Variants in MYOCD observed in about 807,000 individuals in gnomAD.
MYOCD encodes the protein myocardin.
Under a neutral mutation model 96.1 loss-of-function variants are expected in MYOCD, and 32 were observed. That is an observed-to-expected ratio of 0.33 (90% confidence interval 0.25 to 0.45). The LOEUF (loss-of-function observed/expected upper bound fraction) is 0.45, where lower values mean the gene tolerates loss of function less well. Among genes scored for constraint, MYOCD ranks in the 20% least tolerant of loss-of-function variants. MYOCD has a pLI of 1.00. For missense variants in MYOCD, 1,133 were observed against 1,200.6 expected, an observed-to-expected ratio of 0.94 and a Z score of 0.83; for synonymous variants, 469 against 469.0, an observed-to-expected ratio of 1.00 and a Z score of 0.00.
At chr17:12,722,682 C>T (rs1408982118) in intron 4 of MYOCD, among the ~76,000 whole-genome samples, 165 bp from the exon 5 acceptor site, 3 of 152,184 alleles carry the variant, frequency 2.0e-5, no homozygotes, top group Non-Finnish European at 4.4e-5. Flanking sequence ...AGTGTCTAGG[C>T]TTTGGTGCTA....
chr17:12,731,784 A>G (rs1259176467), intron 5 of MYOCD, among the ~76,000 whole-genome samples: 2 of 152,210 alleles, frequency 1.3e-5, no homozygotes, highest in African/African-American at 2.4e-5. Flanking sequence ...GGCCACACCG[A>G]ACACCACAGG....
intron 1 of MYOCD, among the ~76,000 whole-genome samples, chr17:12,701,315 G>A (rs1220917619): frequency 6.6e-6 from 1 of 152,170 alleles, no homozygotes; most frequent in Non-Finnish European, 1.5e-5. Flanking sequence ...AGGAGGAAGA[G>A]GCAGGGGAAT....
chr17:12,700,348 A>G (rs1276736365), intron 1 of MYOCD, among the ~76,000 whole-genome samples: 1 of 149,262 alleles, frequency 6.7e-6, no homozygotes. Flanking sequence ...ATGGCTTAAT[A>G]TCTAGAGAAC....
chr17:12,697,876 A>G (rs1315335388), intron 1 of MYOCD, among the ~76,000 whole-genome samples: 1 of 152,178 alleles, frequency 6.6e-6, no homozygotes, highest in African/African-American at 2.4e-5. Flanking sequence ...AGCAAAGGAA[A>G]TTTTTTAATA....
intron 2 of MYOCD, among the ~76,000 whole-genome samples, chr17:12,711,722 C>A (rs1261159361): frequency 1.3e-5 from 2 of 151,972 alleles, no homozygotes; most frequent in African/African-American, 4.8e-5. Context: ...CCTGATGATT[C>A]ATTGCTCCAT....
intron 2 of MYOCD, among the ~76,000 whole-genome samples, chr17:12,709,199 A>G (rs991982523): frequency 1.3e-5 from 2 of 152,236 alleles, no homozygotes. Context: ...AAACTAATCC[A>G]AATGGATTGA....
chr17:12,683,675 T>G (rs1371353298), intron 1 of MYOCD, among the ~76,000 whole-genome samples: 1 of 152,216 alleles, frequency 6.6e-6, no homozygotes, highest in African/African-American at 2.4e-5. Flanking sequence ...TTGAGTTTCC[T>G]GGGAGAAAAG....
chr17:12,728,869 G>A (rs1054810382), intron 5 of MYOCD, among the ~76,000 whole-genome samples: 1 of 152,192 alleles, frequency 6.6e-6, no homozygotes, highest in Non-Finnish European at 1.5e-5. Flanking sequence ...ACCGTTTCAT[G>A]TAGAAAGCAA....
At chr17:12,683,336 GT>G (rs1177444644) in intron 1 of MYOCD, among the ~76,000 whole-genome samples, 3 of 152,116 alleles carry the variant, frequency 2.0e-5, no homozygotes, top group Non-Finnish European at 2.9e-5. Flanking sequence ...GTGGAAAACC[GT>G]TTCAGAAGAG....
chr17:12,681,552 C>T (rs1199380188), intron 1 of MYOCD, among the ~76,000 whole-genome samples: 1 of 152,208 alleles, frequency 6.6e-6, no homozygotes, highest in Non-Finnish European at 1.5e-5. Flanking sequence ...AATTCTGAGA[C>T]CGAGCCTTTT....
chr17:12,707,627 TG>T (rs2031339485), intron 2 of MYOCD, among the ~76,000 whole-genome samples: 2 of 152,084 alleles, frequency 1.3e-5, no homozygotes, highest in Admixed American at 1.3e-4. Flanking sequence ...GGCAGGAGAA[TG>T]GCGTGAACCC....
intron 6 of MYOCD, among the ~76,000 whole-genome samples, chr17:12,737,128 G>C (rs892548556): frequency 6.6e-6 from 1 of 152,010 alleles, no homozygotes; most frequent in African/African-American, 2.4e-5. Context: ...GGTGGTGCGC[G>C]CCTGTAATCC....
intron 9 of MYOCD, among the ~76,000 whole-genome samples, chr17:12,748,194 A>G (rs956448070): frequency 2.0e-5 from 3 of 150,610 alleles, no homozygotes; most frequent in African/African-American, 7.4e-5. Context: ...AAACAAAAAA[A>G]CTGGAGAGAG....
chr17:12,697,493 G>T (rs1296534210), intron 1 of MYOCD, among the ~76,000 whole-genome samples: 3 of 149,340 alleles, frequency 2.0e-5, no homozygotes, highest in African/African-American at 7.4e-5. Flanking sequence ...CTCCTGAGTA[G>T]CTGAGACTAC....
chr17:12,746,189 A>G, intron 9 of MYOCD, 117 bp downstream of exon 9: 1 of 1,122,660 alleles, frequency 8.9e-7, no homozygotes, highest in Non-Finnish European at 1.3e-6. Context: ...AGAAGACTGT[A>G]GGAAACACTG....
At chr17:12,727,947 G>A (rs1405524380) in intron 5 of MYOCD, among the ~76,000 whole-genome samples, 1 of 152,090 alleles carries the variant, frequency 6.6e-6, no homozygotes, top group Non-Finnish European at 1.5e-5. Context: ...GAAAAAAACA[G>A]GTTCATCACC....
intron 5 of MYOCD, among the ~76,000 whole-genome samples, chr17:12,724,159 T>C (rs1002473650): frequency 6.6e-6 from 1 of 152,208 alleles, no homozygotes; most frequent in African/African-American, 2.4e-5. Context: ...TGATAAGCTC[T>C]TGGGCAGGTA....
chr17:12,728,725 C>T (rs532506566), intron 5 of MYOCD, among the ~76,000 whole-genome samples: 5 of 152,316 alleles, frequency 3.3e-5, no homozygotes, highest in South Asian at 2.1e-4. Flanking sequence ...GTGATCCACC[C>T]GCCTTGGCCT....
Position 12,753,346 on chromosome 17 carries a change from G to A in MYOCD, c.2058G>A (p.Gln686=), listed in dbSNP as rs939262065. Residue 686 remains glutamine, a splice_region_variant and synonymous_variant, in exon 10 of 14, where the codon CAG becomes CAA. Transcript: ENST00000425538. ...SPISSQVCTA[Q]NSGAHDGHPP... The stretch of plus-strand genomic sequence containing the variant: ...TCAGCAGCCAGGTGTGCACTGCACA[G>A]GTAAGAGCACCTTGCGCCATGCCTG... 3 of 1,563,514 alleles carry A rather than the reference G, an allele frequency of 1.9e-6. No individual in the cohort carries two copies. Among genetic ancestry groups the A allele is most frequent in the African/African-American group, 2.7e-5 (2 of 73,206 alleles).
Sources: gnomAD v4.1 joint callset for allele counts (sites outside exome capture counted in the v4.1 genomes callset) on GRCh38, gnomAD v4.1.1 for gene constraint, MANE v1.5 for transcripts, NCBI Gene and HGNC (gene_info 2026-07-23, HGNC 2026-07-21) for gene names.